The following SLC17A5 variants were observed in gnomAD, a reference collection of about 807,000 sequenced individuals.
SLC17A5 encodes solute carrier family 17 member 5.
A neutral mutation model predicts 59.4 loss-of-function variants in SLC17A5; 47 were observed. The observed-to-expected ratio is 0.79, with a 90% CI of 0.63 to 1.01. The LOEUF is 1.01. Among genes scored for constraint, SLC17A5 ranks in the 50% least tolerant of loss-of-function variants. SLC17A5 has a pLI of 0.00. For synonymous variants in SLC17A5, 202 were observed against 210.7 expected, an observed-to-expected ratio of 0.96 and a Z score of 0.36; for missense variants, 522 against 595.5, an observed-to-expected ratio of 0.88 and a Z score of 1.28.
Position 73,621,900 on chromosome 6 carries a change from G to A in SLC17A5, c.882C>T (p.Ile294=), listed in dbSNP as rs1768170111. The A allele has an allele frequency of 6.2e-6, 10 of 1,613,870 alleles. No individual in the cohort carries two copies. Among genetic ancestry groups the A allele is most frequent in the Middle Eastern group, 1.7e-4 (1 of 6,058 alleles). Residue 294 remains isoleucine (I), a synonymous_variant, in exon 7 of 11, where the codon ATC becomes ATT. Transcript: ENST00000355773. ...AGTTGTAAGAAAAGTGTGCAACTAC[G>A]ATAGCCCAAAGTGGCAGGGATTTTA... ...PILKSLPLWA[I]VVAHFSYNWT...
At chr6:73,621,180 T>A (rs1323602703) in intron 7 of SLC17A5, among the ~76,000 whole-genome samples, 1 of 152,078 alleles carries the variant, frequency 6.6e-6, no homozygotes, top group Non-Finnish European at 1.5e-5. Flanking sequence ...TAATTTTGTA[T>A]TTTTAGTAGA....
chr6:73,596,390 G>A (rs1413221726), intron 10 of SLC17A5, among the ~76,000 whole-genome samples: 1 of 152,146 alleles, frequency 6.6e-6, no homozygotes, highest in Non-Finnish European at 1.5e-5. Flanking sequence ...ATACAAAGCA[G>A]GATATAACAT....
At chr6:73,614,801 T>A (rs1767784345) in intron 8 of SLC17A5, among the ~76,000 whole-genome samples, 1 of 152,214 alleles carries the variant, frequency 6.6e-6, no homozygotes, top group Non-Finnish European at 1.5e-5. Context: ...CGGTCCCACA[T>A]ATGTTGCCCT....
chr6:73,595,310 A>G (rs1766745654), intron 10 of SLC17A5, 96 bp from the exon 11 acceptor site: 1 of 1,356,982 alleles, frequency 7.4e-7, no homozygotes. Flanking sequence ...AAACAGCCAC[A>G]TTATTCATAA....
intron 8 of SLC17A5, among the ~76,000 whole-genome samples, chr6:73,611,430 C>A (rs1342129557): frequency 2.0e-5 from 3 of 152,146 alleles, no homozygotes; most frequent in Non-Finnish European, 1.5e-5. Context: ...CAGGCCTGGG[C>A]CACCATACCC....
chr6:73,624,878 A>C (rs1768332669), intron 6 of SLC17A5, among the ~76,000 whole-genome samples: 2 of 146,402 alleles, frequency 1.4e-5, no homozygotes, highest in Non-Finnish European at 3.0e-5. Flanking sequence ...TCTCAAAAGA[A>C]AACAATATAT....
intron 1 of SLC17A5, chr6:73,645,244 A>T: frequency 1.2e-6 from 1 of 828,874 alleles, no homozygotes; most frequent in African/African-American, 1.8e-5. Flanking sequence ...AAAAAAATTT[A>T]CTGCCAAGGG....
At chr6:73,627,420 C>T (rs189995157) in intron 6 of SLC17A5, among the ~76,000 whole-genome samples, 2 of 152,132 alleles carry the variant, frequency 1.3e-5, no homozygotes, top group Non-Finnish European at 2.9e-5. Flanking sequence ...AATATAACAG[C>T]CACGTGGAGC....
At chr6:73,629,524 G>C (rs1020726905) in intron 6 of SLC17A5, among the ~76,000 whole-genome samples, 3 of 152,130 alleles carry the variant, frequency 2.0e-5, no homozygotes, top group African/African-American at 7.2e-5. Context: ...TGTAATCCCA[G>C]CACTTTGGGA....
chr6:73,627,445 C>G (rs973948228), intron 6 of SLC17A5, among the ~76,000 whole-genome samples: 1 of 152,076 alleles, frequency 6.6e-6, no homozygotes, highest in Non-Finnish European at 1.5e-5. Flanking sequence ...GGCTACCATA[C>G]TGGACAACAC....
At chr6:73,651,525 T>C (rs1769868709) in intron 1 of SLC17A5, among the ~76,000 whole-genome samples, 1 of 150,256 alleles carries the variant, frequency 6.7e-6, no homozygotes, top group Admixed American at 6.6e-5. Flanking sequence ...GAGTATTTTG[T>C]AAGTATTATT....
chr6:73,632,468 G>C (rs1253017005), intron 6 of SLC17A5, among the ~76,000 whole-genome samples: 1 of 125,218 alleles, frequency 8.0e-6, no homozygotes, highest in Non-Finnish European at 1.6e-5. Flanking sequence ...TTTAAGACAG[G>C]GTCTTGCTCT....
intron 2 of SLC17A5, among the ~76,000 whole-genome samples, chr6:73,642,169 C>T (rs1202667372): frequency 1.3e-5 from 2 of 152,192 alleles, no homozygotes; most frequent in Non-Finnish European, 2.9e-5. Context: ...AACTAGACTG[C>T]AGGATGAGCT....
Position 73,644,519 on chromosome 6 carries a change from A to G in SLC17A5, c.179T>C (p.Leu60Pro), listed in dbSNP as rs1769446078. ...TACCATATCCACTAACGCAACACTC[A>G]GATTCACACGTAATGCATACACAAT... ...FFIVYALRVN[L>P]SVALVDMVDS... Residue 60 changes from leucine to proline, a missense_variant, in exon 2 of 11, where the codon CTG (leucine) becomes CCG (proline). Coordinates refer to ENST00000355773, the MANE Select transcript of SLC17A5 (RefSeq NM_012434.5). 1.2e-6 allele frequency: 2 copies of G among 1,614,008 alleles called. No individual in the cohort carries two copies. The highest frequency in any genetic ancestry group is 2.7e-5 in the African/African-American group (2 of 74,938).
chr6:73,597,446 A>C (rs530379131), intron 10 of SLC17A5, among the ~76,000 whole-genome samples: 1 of 150,428 alleles, frequency 6.6e-6, no homozygotes, highest in Non-Finnish European at 1.5e-5. Context: ...CAGCCTGGGC[A>C]ACAGAGTGAG....
chr6:73,596,799 T>C (rs1021786248), intron 10 of SLC17A5, among the ~76,000 whole-genome samples: 5 of 150,122 alleles, frequency 3.3e-5, no homozygotes, highest in Non-Finnish European at 4.4e-5. Flanking sequence ...GAGCTTGCAG[T>C]GAGGCTGAGA....
intron 7 of SLC17A5, among the ~76,000 whole-genome samples, chr6:73,615,887 T>TTTTG (rs1561990041): frequency 1.7e-5 from 2 of 117,826 alleles, no homozygotes; most frequent in Non-Finnish European, 3.5e-5. Flanking sequence ...ATTCTTTTTT[T>TTTTG]TTTTTTTTTT....
In SLC17A5 at chr6:73,644,534, G is replaced by T. The variant is rs1445174250; in HGVS notation, c.164C>A (p.Ala55Glu). ...LAFFGFFIVY[A>E]LRVNLSVALV... ...CGCAACACTCAGATTCACACGTAAT[G>T]CATACACAATGAAGAAACCAAAAAA... is the stretch of plus-strand genomic sequence containing the variant. Residue 55 changes from alanine (A) to glutamate (E), a missense_variant, in exon 2 of 11, where the codon GCA becomes GAA. Ala to Glu is a moderately radical substitution (Grantham distance 107). Transcript: ENST00000355773. 6.2e-7 allele frequency: 1 copy of T among 1,613,884 alleles called. No homozygotes were observed. The highest frequency in any genetic ancestry group is 2.2e-5 in the East Asian group (1 of 44,890).
At chr6:73,601,214 G>T (rs552299945) in intron 9 of SLC17A5, among the ~76,000 whole-genome samples, 1 of 150,512 alleles carries the variant, frequency 6.6e-6, no homozygotes, top group South Asian at 2.1e-4. Context: ...GGGATGTGAG[G>T]AGCGCCTCTG....
Sources: allele counts gnomAD v4.1 joint callset (sites outside exome capture counted in the v4.1 genomes callset), GRCh38; gene constraint gnomAD v4.1.1; transcripts MANE v1.5; gene names NCBI Gene and HGNC (gene_info 2026-07-23, HGNC 2026-07-21).